Variants in MTMR10 observed in about 807,000 individuals in gnomAD.
The protein encoded by MTMR10 is myotubularin related protein 10, also known as myotubularin-related protein 10.
MTMR10 carries 56 observed loss-of-function variants against 88.1 expected under a neutral mutation model. The ratio of observed to expected loss-of-function variants is 0.64; its 90% CI spans 0.51 to 0.79. The LOEUF (loss-of-function observed/expected upper bound fraction) is 0.79. Ranked by LOEUF, MTMR10 falls within the 30% of genes least tolerant of loss-of-function variation. The probability of loss-of-function intolerance (pLI) is 0.00; values close to 1 mark genes in which losing one functional copy is unlikely to be tolerated. For synonymous variants in MTMR10, 380 were observed against 340.9 expected, an observed-to-expected ratio of 1.11 and a Z score of -1.26; for missense variants, 883 against 924.7, an observed-to-expected ratio of 0.95 and a Z score of 0.58.
chr15:30,991,417 G>A (rs1309798416), intron 1 of MTMR10, 30 bp downstream of exon 1: 24 of 1,465,894 alleles, frequency 1.6e-5, no homozygotes, highest in Non-Finnish European at 1.9e-5. Context: ...GCAGAGGAGA[G>A]TCGGGCGCTC....
chr15:30,928,729 T>C, the MTMR10 span: 1 of 1,604,612 alleles, frequency 6.2e-7, no homozygotes, highest in Non-Finnish European at 8.5e-7. Flanking sequence ...CTGGGCACCG[T>C]GTGTCCACAG....
the MTMR10 span, chr15:30,925,366 A>G: frequency 1.5e-6 from 2 of 1,352,048 alleles, no homozygotes; most frequent in Non-Finnish European, 1.0e-6. Flanking sequence ...GCATCCTAAG[A>G]GCTGTTTTGA....
At chr15:30,944,584 AT>A (rs370484082) in intron 14 of MTMR10, among the ~76,000 whole-genome samples, 2,318 of 149,898 alleles carry the variant, frequency 0.015, 52 homozygotes, top group African/African-American at 0.053. Flanking sequence ...AAAAAAAAAA[AT>A]TTTAGTTACT....
chr15:30,941,147 A>G lies in MTMR10; in HGVS notation c.*323T>C, dbSNP rs980789604. The G allele has an allele frequency of 1.8e-5, 23 of 1,273,368 alleles. No individual in the cohort carries two copies. In the African/African-American group the frequency reaches 3.7e-4, roughly 21 times the overall value. The allele number at this position is 1,273,368 out of a possible 1,614,324, so 78.9% of individuals were successfully genotyped here. On this transcript the variant is annotated 3_prime_UTR_variant, in exon 16 of 16. Coordinates refer to ENST00000435680, the MANE Select transcript of MTMR10 (RefSeq NM_017762.3). ...TGTTGTCTGCTGCCTGGGGCTGCTA[A>G]TGTGACTGACTATCAGATAGCCTTC...
the MTMR10 span, chr15:30,930,593 C>T: frequency 1.1e-5 from 17 of 1,612,964 alleles, no homozygotes; most frequent in African/African-American, 1.3e-5. Flanking sequence ...TGTGCAGGCA[C>T]CTGGCTGCTG....
chr15:30,922,174 A>G, the MTMR10 span: 1 of 1,579,146 alleles, frequency 6.3e-7, no homozygotes, highest in Non-Finnish European at 8.6e-7. Context: ...GGGCTTGTAA[A>G]TATCATTGCA....
At chr15:30,925,821 T>G in the MTMR10 span, 1 of 1,614,158 alleles carries the variant, frequency 6.2e-7, no homozygotes, top group South Asian at 1.1e-5. Flanking sequence ...GCCCACAGCG[T>G]GGGATGTGCA....
rs746561298 is a variant in MTMR10 at position 30,974,464 on chromosome 15, AG to A, written c.332-9del. 1.3e-6 allele frequency: 2 copies of A among 1,518,418 alleles called. No homozygotes were observed. Among genetic ancestry groups the A allele is most frequent in the Non-Finnish European group, 1.8e-6 (2 of 1,131,710 alleles). The allele number at this position is 1,518,418 out of a possible 1,614,324, so 94.1% of individuals were successfully genotyped here. A position where few individuals can be genotyped will look rare whatever the true frequency, so the allele number is the denominator to read the frequency against. On this transcript the variant is annotated splice_polypyrimidine_tract_variant and intron_variant, in intron 4 of 15. Transcript: ENST00000435680. ...TCCTCTTGTGGTCGTTTACTAAAAA[AG>A]AAAAAAAAATAGAGAAAATAAAATG...
chr15:30,981,677 G>A (rs988473694), intron 2 of MTMR10, among the ~76,000 whole-genome samples: 3 of 152,142 alleles, frequency 2.0e-5, no homozygotes, highest in African/African-American at 7.2e-5. Flanking sequence ...ATTTGATGAT[G>A]TTTCTAGGGG....
the MTMR10 span, chr15:30,929,240 C>T: frequency 1.9e-6 from 3 of 1,613,402 alleles, no homozygotes; most frequent in East Asian, 4.5e-5. Flanking sequence ...AGCTTCTTCA[C>T]AAGCAGACGC....
At chr15:30,964,492 C>T (rs1238993452) in intron 6 of MTMR10, among the ~76,000 whole-genome samples, 1 of 152,226 alleles carries the variant, frequency 6.6e-6, no homozygotes, top group Non-Finnish European at 1.5e-5. Flanking sequence ...CGTTCAAATC[C>T]TGTACTTTTC....
the MTMR10 span, among the ~76,000 whole-genome samples, chr15:30,929,911 TAATATATATC>T: frequency 2.6e-5 from 1 of 38,692 alleles, no homozygotes; most frequent in Admixed American, 5.3e-4. Flanking sequence ...ATAAAATATA[TAATATATATC>T]ATATATAATA....
At chr15:30,989,392 T>C (rs1221434517) in intron 2 of MTMR10, among the ~76,000 whole-genome samples, 1 of 152,220 alleles carries the variant, frequency 6.6e-6, no homozygotes, top group African/African-American at 2.4e-5. Flanking sequence ...AAAAACACTT[T>C]TTAAACTTTC....
chr15:30,968,119 T>A, intron 5 of MTMR10, 109 bp from the exon 6 acceptor site: 1 of 729,128 alleles, frequency 1.4e-6, no homozygotes, highest in Non-Finnish European at 2.2e-6. Flanking sequence ...TGATTATAGA[T>A]ACTATTTACA....
the MTMR10 span, among the ~76,000 whole-genome samples, chr15:30,932,493 T>G: frequency 1.0e-3 from 154 of 152,244 alleles, no homozygotes; most frequent in Non-Finnish European, 1.8e-3. Flanking sequence ...GAATTAGTAT[T>G]ATTCCCTAAA....
At chr15:30,957,493 C>A (rs546859956) in intron 9 of MTMR10, among the ~76,000 whole-genome samples, 1 of 152,258 alleles carries the variant, frequency 6.6e-6, no homozygotes, top group African/African-American at 2.4e-5. Flanking sequence ...TAGGCCGAGG[C>A]GGGTGGATCA....
At chr15:30,936,320 AG>A (rs2062851363), downstream of MTMR10, among the ~76,000 whole-genome samples, 1 of 152,192 alleles carries the variant, frequency 6.6e-6, no homozygotes, top group Non-Finnish European at 1.5e-5. Flanking sequence ...TGTCAAGAAC[AG>A]GGAGAAATGT....
chr15:30,975,245 G>A (rs894259674), intron 3 of MTMR10, among the ~76,000 whole-genome samples: 1 of 152,218 alleles, frequency 6.6e-6, no homozygotes, highest in Admixed American at 6.5e-5. Flanking sequence ...GCAAGCATTT[G>A]CATGTCTAGA....
At chr15:30,927,775 G>A in the MTMR10 span, 2 of 985,908 alleles carry the variant, frequency 2.0e-6, no homozygotes, top group Non-Finnish European at 2.4e-6. Context: ...GTACGGACTT[G>A]GAGGGCAGCT....
Sources: gnomAD v4.1 joint callset for allele counts (sites outside exome capture counted in the v4.1 genomes callset) on GRCh38, gnomAD v4.1.1 for gene constraint, MANE v1.5 for transcripts, NCBI Gene and HGNC (gene_info 2026-07-23, HGNC 2026-07-21) for gene names.